Variants in CNTN5 observed in about 807,000 individuals in gnomAD.
The protein encoded by CNTN5 is contactin 5.
In CNTN5, 77 loss-of-function variants were observed where a neutral mutation model predicts 129.1. The observed-to-expected ratio is 0.60, with a 90% confidence interval of 0.50 to 0.72. The LOEUF (loss-of-function observed/expected upper bound fraction) is 0.72, where lower values mean the gene tolerates loss of function less well. CNTN5 is among the 30% of genes least tolerant of loss of function. The pLI is 0.00. For missense variants in CNTN5, 1,478 were observed against 1,328.8 expected, an observed-to-expected ratio of 1.11 and a Z score of -1.75; for synonymous variants, 509 against 465.6, an observed-to-expected ratio of 1.09 and a Z score of -1.20.
intron 2 of CNTN5, among the ~76,000 whole-genome samples, chr11:99,404,456 T>G (rs1941980899): frequency 6.6e-6 from 1 of 151,780 alleles, no homozygotes; most frequent in Non-Finnish European, 1.5e-5. Context: ...TTTCTTTTAG[T>G]GAAGGTGATT....
chr11:99,625,056 G>C (rs1324249177), intron 3 of CNTN5, among the ~76,000 whole-genome samples: 1 of 152,120 alleles, frequency 6.6e-6, no homozygotes, highest in Non-Finnish European at 1.5e-5. Flanking sequence ...TCCAGTGTTG[G>C]ACACATGGCA....
intron 13 of CNTN5, among the ~76,000 whole-genome samples, chr11:100,109,422 T>C (rs1377678682): frequency 1.3e-5 from 2 of 152,180 alleles, no homozygotes; most frequent in African/African-American, 4.8e-5. Context: ...CAAGACTTCA[T>C]CTAAAACAAG....
Position 100,308,408 on chromosome 11 carries a change from A to G in CNTN5, c.2670A>G (p.Ser890=). 1 of 1,611,172 alleles carries G rather than the reference A, an allele frequency of 6.2e-7. No individual in the cohort carries two copies. Among genetic ancestry groups the G allele is most frequent in the Non-Finnish European group, 8.5e-7 (1 of 1,178,004 alleles). ...TCAAGGCGACAAGTGTGTCTGTGTC[A>G]GAGATTCTTGTTGCATGGAAACACA... ...TDVKATSVSV[S]EILVAWKHIK... is the part of the protein sequence containing the mutation. Residue 890 remains serine (S), a synonymous_variant, in exon 21 of 25, where the codon TCA becomes TCG. Transcript: ENST00000524871.
At chr11:99,280,487 A>G (rs1365818950) in intron 1 of CNTN5, among the ~76,000 whole-genome samples, 1 of 151,810 alleles carries the variant, frequency 6.6e-6, no homozygotes, top group Non-Finnish European at 1.5e-5. Flanking sequence ...CATTCAATGA[A>G]AGGTTTGACT....
chr11:99,171,106 G>A (rs759486415), intron 1 of CNTN5, among the ~76,000 whole-genome samples: 17 of 151,838 alleles, frequency 1.1e-4, no homozygotes, highest in Non-Finnish European at 1.8e-4. Context: ...AGTATTGCAC[G>A]TATCTAACTT....
intron 3 of CNTN5, among the ~76,000 whole-genome samples, chr11:99,722,660 A>G (rs1019427814): frequency 6.6e-6 from 1 of 152,102 alleles, no homozygotes; most frequent in African/African-American, 2.4e-5. Context: ...AGGAAGTTCT[A>G]GTCAACCCTA....
At chr11:99,796,943 G>T (rs1451456881) in intron 3 of CNTN5, among the ~76,000 whole-genome samples, 1 of 152,030 alleles carries the variant, frequency 6.6e-6, no homozygotes, top group Non-Finnish European at 1.5e-5. Context: ...AGGGCAGGCT[G>T]CTCCTCACCT....
chr11:99,305,918 T>G (rs2135956448), intron 1 of CNTN5, among the ~76,000 whole-genome samples: 1 of 151,848 alleles, frequency 6.6e-6, no homozygotes, highest in African/African-American at 2.4e-5. Flanking sequence ...GAGGTGGAGG[T>G]TGCAGGGAGC....
At chr11:99,747,460 CTTTTTT>C (rs55790126) in intron 3 of CNTN5, among the ~76,000 whole-genome samples, 1 of 85,758 alleles carries the variant, frequency 1.2e-5, no homozygotes, top group Non-Finnish European at 2.1e-5. Flanking sequence ...AGTCAGCATC[CTTTTTT>C]TTTTTTTTTT....
intron 2 of CNTN5, among the ~76,000 whole-genome samples, chr11:99,508,880 C>T (rs1255212048): frequency 1.3e-5 from 2 of 151,886 alleles, no homozygotes; most frequent in African/African-American, 4.8e-5. Flanking sequence ...GGGGTTTCAC[C>T]AGATTGGCCA....
intron 1 of CNTN5, among the ~76,000 whole-genome samples, chr11:99,247,975 C>T (rs183980418): frequency 2.0e-5 from 3 of 152,004 alleles, no homozygotes; most frequent in Non-Finnish European, 4.4e-5. Context: ...GGGTATATAC[C>T]CAGTAATGGG....
At chr11:99,600,416 A>T (rs373394155) in intron 3 of CNTN5, among the ~76,000 whole-genome samples, 1 of 152,194 alleles carries the variant, frequency 6.6e-6, no homozygotes, top group South Asian at 2.1e-4. Context: ...TTGCATAATG[A>T]TTATTTTACC....
chr11:99,576,164 T>C (rs1949344253), intron 3 of CNTN5, among the ~76,000 whole-genome samples: 2 of 152,202 alleles, frequency 1.3e-5, no homozygotes, highest in African/African-American at 2.4e-5. Context: ...AAGCCTGATC[T>C]GTGAGGAGAA....
chr11:99,731,935 C>T (rs1031433988), intron 3 of CNTN5, among the ~76,000 whole-genome samples: 1 of 152,150 alleles, frequency 6.6e-6, no homozygotes, highest in South Asian at 2.1e-4. Flanking sequence ...CATGCTAGAA[C>T]AATAGGAGGA....
At chr11:99,780,022 ATGT>A (rs1378326703) in intron 3 of CNTN5, among the ~76,000 whole-genome samples, 5 of 151,990 alleles carry the variant, frequency 3.3e-5, no homozygotes, top group Admixed American at 6.6e-5. Flanking sequence ...AAGAGGGAGC[ATGT>A]TGTTGTTCAG....
At chr11:100,015,154 C>T (rs935283937) in intron 9 of CNTN5, among the ~76,000 whole-genome samples, 2 of 151,980 alleles carry the variant, frequency 1.3e-5, no homozygotes, top group African/African-American at 2.4e-5. Context: ...AGGGGAAGCA[C>T]GAATAAACCA....
intron 2 of CNTN5, among the ~76,000 whole-genome samples, chr11:99,499,399 C>T (rs543810049): frequency 3.3e-5 from 5 of 152,212 alleles, no homozygotes; most frequent in Non-Finnish European, 7.4e-5. Context: ...TTGCATGCAG[C>T]GTTCAGTCTC....
At position 99,844,896 on chromosome 11, in the gene CNTN5, A is replaced by G. The variant is rs1947633520; in HGVS notation, c.322A>G (p.Ile108Val). 1.2e-6 allele frequency: 2 copies of G among 1,613,558 alleles called. No individual in the cohort carries two copies. Among genetic ancestry groups the G allele is most frequent in the South Asian group, 2.2e-5 (2 of 91,072 alleles). ...GPVFVQEPDD[I>V]IFPTDSDEKK... The stretch of plus-strand genomic sequence containing the variant: ...AGTTTTTGTGCAAGAACCAGATGAT[A>G]TTATTTTTCCAACTGATTCTGATGA... Residue 108 changes from isoleucine to valine, a missense_variant, in exon 5 of 25, where the codon ATT (isoleucine) becomes GTT (valine). Coordinates refer to ENST00000524871, the MANE Select transcript of CNTN5 (RefSeq NM_014361.4).
intron 3 of CNTN5, among the ~76,000 whole-genome samples, chr11:99,678,444 C>G (rs562600485): frequency 6.6e-6 from 1 of 152,192 alleles, no homozygotes; most frequent in African/African-American, 2.4e-5. Context: ...CTAAATCTCT[C>G]CACTAATTAT....
Sources: gnomAD v4.1 joint callset for allele counts (sites outside exome capture counted in the v4.1 genomes callset) on GRCh38, gnomAD v4.1.1 for gene constraint, MANE v1.5 for transcripts, NCBI Gene and HGNC (gene_info 2026-07-23, HGNC 2026-07-21) for gene names.